Variants in ACOXL observed in about 807,000 individuals in gnomAD.
ACOXL encodes the protein acyl-CoA oxidase like.
In ACOXL, 70 loss-of-function variants were observed where a neutral mutation model predicts 71.9. The observed-to-expected ratio is 0.97, with a 90% CI of 0.80 to 1.19. The LOEUF is 1.19. ACOXL is among the 50% of genes most tolerant of loss of function. The pLI is 0.00. For synonymous variants in ACOXL, 253 were observed against 281.6 expected (o/e 0.90, Z 1.02); for missense variants, 703 against 736.3 (o/e 0.95, Z 0.52).
At chr2:111,097,624 AAAAC>A (rs1156883026) in intron 17 of ACOXL, among the ~76,000 whole-genome samples, 1 of 152,226 alleles carries the variant, frequency 6.6e-6, no homozygotes, top group African/African-American at 2.4e-5. Flanking sequence ...AAGTCCTTGA[AAAAC>A]AAACAAACAA....
At chr2:111,000,413 A>G (rs1218467784) in intron 14 of ACOXL, among the ~76,000 whole-genome samples, 1 of 152,204 alleles carries the variant, frequency 6.6e-6, no homozygotes, top group Non-Finnish European at 1.5e-5. Context: ...AGAGCTTTTA[A>G]TATGCAGGAC....
chr2:110,756,021 C>CTA (rs1679642432), intron 1 of ACOXL, among the ~76,000 whole-genome samples: 1 of 141,924 alleles, frequency 7.0e-6, no homozygotes, highest in African/African-American at 3.1e-5. Context: ...GAGAATAGAC[C>CTA]TATAATTAGA....
intron 1 of ACOXL, among the ~76,000 whole-genome samples, chr2:110,754,859 C>T (rs891621777): frequency 3.9e-5 from 6 of 152,124 alleles, no homozygotes; most frequent in Non-Finnish European, 8.8e-5. Flanking sequence ...CCTGGGATTG[C>T]GATTGCACAT....
At chr2:110,861,530 T>C (rs530320025) in intron 10 of ACOXL, among the ~76,000 whole-genome samples, 21 of 152,134 alleles carry the variant, frequency 1.4e-4, no homozygotes, top group Non-Finnish European at 2.2e-4. Context: ...TCACATAGGT[T>C]CTGCTTCTTG....
chr2:110,807,098 A>G (rs1307058628), intron 9 of ACOXL, among the ~76,000 whole-genome samples: 2 of 152,226 alleles, frequency 1.3e-5, no homozygotes, highest in East Asian at 3.8e-4. Context: ...CCACATTCGC[A>G]TCAGTTCCTT....
intron 11 of ACOXL, among the ~76,000 whole-genome samples, chr2:110,923,714 A>G (rs2149303190): frequency 6.6e-6 from 1 of 152,260 alleles, no homozygotes; most frequent in South Asian, 2.1e-4. Flanking sequence ...TGAGCAGATC[A>G]CTTGAGGCCA....
intron 11 of ACOXL, among the ~76,000 whole-genome samples, chr2:110,910,359 G>A (rs1179279026): frequency 1.3e-5 from 2 of 152,146 alleles, no homozygotes; most frequent in African/African-American, 4.8e-5. Flanking sequence ...ACTGCAATTA[G>A]TTTATCTCTT....
chr2:110,898,057 T>C (rs28792074), intron 10 of ACOXL, among the ~76,000 whole-genome samples: 47,362 of 151,998 alleles, frequency 0.31, 7,742 homozygotes, highest in Middle Eastern at 0.38. Context: ...TGTAAGATAA[T>C]TTGAATAACC....
At chr2:110,778,485 A>G (rs1265321271) in intron 2 of ACOXL, among the ~76,000 whole-genome samples, 3 of 152,132 alleles carry the variant, frequency 2.0e-5, no homozygotes, top group Non-Finnish European at 2.9e-5. Flanking sequence ...TCATAGTACA[A>G]TTTTCTCACC....
intron 1 of ACOXL, among the ~76,000 whole-genome samples, chr2:110,756,629 G>A (rs1679739292): frequency 2.0e-5 from 3 of 152,030 alleles, no homozygotes. Flanking sequence ...ATTCTAGTAC[G>A]TGGTGTGAAA....
chr2:111,087,997 A>G (rs1424785575), intron 16 of ACOXL, among the ~76,000 whole-genome samples: 1 of 152,226 alleles, frequency 6.6e-6, no homozygotes, highest in Non-Finnish European at 1.5e-5. Context: ...ATGAACAGAC[A>G]CTTCAGAAGA....
intron 2 of ACOXL, among the ~76,000 whole-genome samples, chr2:110,775,073 G>A (rs901788188): frequency 1.3e-5 from 2 of 152,206 alleles, no homozygotes; most frequent in African/African-American, 4.8e-5. Flanking sequence ...TGAGGAAAGA[G>A]CAATCTTCTC....
intron 9 of ACOXL, among the ~76,000 whole-genome samples, chr2:110,832,509 C>T (rs1689958113): frequency 7.2e-6 from 1 of 138,740 alleles, no homozygotes; most frequent in African/African-American, 2.7e-5. Context: ...CTGCAGTCCG[C>T]AGTCCGGCCT....
intron 1 of ACOXL, among the ~76,000 whole-genome samples, chr2:110,750,908 C>A (rs1479299632): frequency 6.6e-6 from 1 of 152,040 alleles, no homozygotes; most frequent in African/African-American, 2.4e-5. Flanking sequence ...TGATCTTGAA[C>A]TCCTCAGCTC....
intron 1 of ACOXL, among the ~76,000 whole-genome samples, chr2:110,734,755 A>G (rs1676626217): frequency 6.6e-6 from 1 of 151,984 alleles, no homozygotes; most frequent in Non-Finnish European, 1.5e-5. Context: ...TAACCAAACT[A>G]CTGATTTGAG....
chr2:110,983,159 C>CT (rs982618209), intron 12 of ACOXL, among the ~76,000 whole-genome samples: 7 of 152,298 alleles, frequency 4.6e-5, no homozygotes, highest in African/African-American at 1.4e-4. Context: ...ATAATTGGCT[C>CT]TAAGTGTTTC....
intron 11 of ACOXL, among the ~76,000 whole-genome samples, chr2:110,914,186 G>T (rs2059753836): frequency 6.6e-6 from 1 of 152,060 alleles, no homozygotes; most frequent in Admixed American, 6.5e-5. Flanking sequence ...GAGAAAGAGA[G>T]AGGAGGAAAA....
At chr2:110,759,077 G>A (rs1680052728) in intron 1 of ACOXL, among the ~76,000 whole-genome samples, 1 of 152,150 alleles carries the variant, frequency 6.6e-6, no homozygotes, top group Non-Finnish European at 1.5e-5. Context: ...CATTTGCTGA[G>A]GAGTATTTTA....
At chr2:111,088,044 C>A (rs989237742) in intron 16 of ACOXL, among the ~76,000 whole-genome samples, 2 of 152,080 alleles carry the variant, frequency 1.3e-5, no homozygotes, top group Admixed American at 1.3e-4. Context: ...TGAAAAAATG[C>A]TCAATATCAC....
Sources: gnomAD v4.1 joint callset for allele counts (sites outside exome capture counted in the v4.1 genomes callset) on GRCh38, gnomAD v4.1.1 for gene constraint, MANE v1.5 for transcripts, NCBI Gene and HGNC (gene_info 2026-07-23, HGNC 2026-07-21) for gene names.